NCEH1: variants seen among roughly 807,000 people sequenced by gnomAD.
NCEH1 encodes 2-acetyl MAGE hydrolase.
In NCEH1, 9 loss-of-function variants were observed where a neutral mutation model predicts 25.4. The ratio of observed to expected loss-of-function variants is 0.35; its 90% CI spans 0.21 to 0.62. NCEH1 has a LOEUF of 0.62. Among genes scored for constraint, NCEH1 ranks in the 20% least tolerant of loss-of-function variants. NCEH1 has a pLI of 0.72. For missense variants in NCEH1, 412 were observed against 501.1 expected (o/e 0.82, Z 1.70); for synonymous variants, 200 against 199.8 (o/e 1.00, Z -0.01).
chr3:172,687,326 C>G (rs563427512), intron 1 of NCEH1, among the ~76,000 whole-genome samples: 1 of 152,246 alleles, frequency 6.6e-6, no homozygotes, highest in African/African-American at 2.4e-5. Context: ...CTTGTACTGC[C>G]CATTTGAAAA....
At chr3:172,649,757 A>G (rs17756079) in intron 1 of NCEH1, among the ~76,000 whole-genome samples, 2,074 of 152,366 alleles carry the variant, frequency 0.014, 24 homozygotes, top group South Asian at 0.05. Context: ...ACCATTATCA[A>G]TTAATAGGGA....
chr3:172,644,328 A>G (rs1006612407), intron 3 of NCEH1, among the ~76,000 whole-genome samples: 4 of 152,158 alleles, frequency 2.6e-5, no homozygotes, highest in Non-Finnish European at 5.9e-5. Context: ...CTTTCAAGAG[A>G]CTGCAGAAGA....
At chr3:172,650,413 A>G (rs1183812209) in intron 1 of NCEH1, among the ~76,000 whole-genome samples, 6 of 151,704 alleles carry the variant, frequency 4.0e-5, no homozygotes, top group Non-Finnish European at 2.9e-5. Flanking sequence ...GGAGGCCAAG[A>G]TGGGCGGATC....
chr3:172,660,244 C>G (rs1420857798), intron 1 of NCEH1, among the ~76,000 whole-genome samples: 1 of 151,662 alleles, frequency 6.6e-6, no homozygotes, highest in African/African-American at 2.4e-5. Context: ...TCTGTCCTTG[C>G]AACAGTTTGC....
intron 1 of NCEH1, among the ~76,000 whole-genome samples, chr3:172,678,416 A>G (rs1210648684): frequency 2.0e-5 from 3 of 151,510 alleles, no homozygotes; most frequent in Non-Finnish European, 4.4e-5. Flanking sequence ...GAAAACACAC[A>G]ATGGAGTGTT....
chr3:172,695,517 G>C (rs1434834626), intron 1 of NCEH1, among the ~76,000 whole-genome samples: 1 of 152,178 alleles, frequency 6.6e-6, no homozygotes, highest in Non-Finnish European at 1.5e-5. Flanking sequence ...CACTTATGGG[G>C]TATGTGACTT....
intron 4 of NCEH1, 36 bp downstream of exon 4, chr3:172,635,880 G>A (rs564816757): frequency 7.5e-6 from 12 of 1,601,808 alleles, no homozygotes; most frequent in African/African-American, 2.7e-5. Flanking sequence ...GTCATGCACC[G>A]CTTAACCCAC....
At chr3:172,650,025 G>A (rs1203632677) in intron 1 of NCEH1, among the ~76,000 whole-genome samples, 4 of 152,200 alleles carry the variant, frequency 2.6e-5, no homozygotes, top group African/African-American at 9.7e-5. Flanking sequence ...AGCCCACCTC[G>A]AGTTTCCTTT....
intron 1 of NCEH1, among the ~76,000 whole-genome samples, chr3:172,670,709 T>C (rs936826792): frequency 6.6e-6 from 1 of 152,232 alleles, no homozygotes; most frequent in African/African-American, 2.4e-5. Flanking sequence ...ATTAGAAGCA[T>C]CAGTAGTTAA....
intron 1 of NCEH1, among the ~76,000 whole-genome samples, chr3:172,687,600 A>T (rs1348689149): frequency 1.3e-5 from 2 of 152,246 alleles, no homozygotes; most frequent in African/African-American, 4.8e-5. Context: ...CAGGTGTAAT[A>T]TCAGGGAGTA....
At chr3:172,680,112 G>C (rs1373003150) in intron 1 of NCEH1, among the ~76,000 whole-genome samples, 1 of 152,144 alleles carries the variant, frequency 6.6e-6, no homozygotes, top group African/African-American at 2.4e-5. Context: ...GGCAGACCCA[G>C]GAGTTTCTCC....
intron 1 of NCEH1, among the ~76,000 whole-genome samples, chr3:172,693,683 T>G (rs1406045629): frequency 6.6e-6 from 1 of 152,180 alleles, no homozygotes; most frequent in Non-Finnish European, 1.5e-5. Context: ...AATAATACTA[T>G]TTTTCTTTTC....
intron 1 of NCEH1, among the ~76,000 whole-genome samples, chr3:172,674,578 G>A (rs907982844): frequency 1.8e-4 from 20 of 112,578 alleles, no homozygotes; most frequent in African/African-American, 3.0e-4. Flanking sequence ...TCTTTTTAAC[G>A]CATTATTTAC....
chr3:172,649,068 G>A (rs867367354), intron 1 of NCEH1, among the ~76,000 whole-genome samples: 1 of 152,064 alleles, frequency 6.6e-6, no homozygotes. Flanking sequence ...TGATGTCTGC[G>A]ATGTGGCACC....
At chr3:172,646,887 G>A (rs553908318) in intron 2 of NCEH1, among the ~76,000 whole-genome samples, 68 of 152,088 alleles carry the variant, frequency 4.5e-4, no homozygotes, top group African/African-American at 1.4e-3. Flanking sequence ...CCCTACACCC[G>A]AGCACACCTT....
intron 1 of NCEH1, among the ~76,000 whole-genome samples, chr3:172,702,069 A>G (rs559964): frequency 0.17 from 25,135 of 152,126 alleles, 2,462 homozygotes; most frequent in Non-Finnish European, 0.23. Context: ...GGTTTCTATT[A>G]TAAGGAAATC....
At chr3:172,649,736 C>A (rs541948107) in intron 1 of NCEH1, among the ~76,000 whole-genome samples, 3 of 152,340 alleles carry the variant, frequency 2.0e-5, no homozygotes, top group African/African-American at 7.2e-5. Flanking sequence ...ATATAATAAA[C>A]CCTTGTTAAC....
chr3:172,647,233 G>C (rs1174868095), intron 2 of NCEH1, among the ~76,000 whole-genome samples: 1 of 152,212 alleles, frequency 6.6e-6, no homozygotes, highest in East Asian at 1.9e-4. Flanking sequence ...TTTATTAGCA[G>C]AGACAAGACC....
At chr3:172,689,445 C>T (rs916858137) in intron 1 of NCEH1, among the ~76,000 whole-genome samples, 2 of 151,262 alleles carry the variant, frequency 1.3e-5, no homozygotes, top group South Asian at 4.2e-4. Context: ...CAGGGTTTTA[C>T]CATATTGGCC....
Sources: gnomAD v4.1 joint callset for allele counts (sites outside exome capture counted in the v4.1 genomes callset) on GRCh38, gnomAD v4.1.1 for gene constraint, MANE v1.5 for transcripts, NCBI Gene and HGNC (gene_info 2026-07-23, HGNC 2026-07-21) for gene names.